DOC2B: variants seen among roughly 807,000 people sequenced by gnomAD.
DOC2B encodes the protein double C2 domain beta, also known as double C2-like domain-containing protein beta.
In DOC2B, 21 loss-of-function variants were observed where a neutral mutation model predicts 28.9. The observed-to-expected ratio is 0.73, with a 90% CI of 0.52 to 1.05. DOC2B has a LOEUF of 1.05. Ranked by LOEUF, DOC2B falls within the 50% of genes least tolerant of loss-of-function variation. DOC2B has a pLI of 0.00. For missense variants in DOC2B, 384 were observed against 421.1 expected (o/e 0.91, Z 0.77); for synonymous variants, 194 against 178.1 (o/e 1.09, Z -0.71).
rs146011014 is a variant in DOC2B, at chr17:154,700, A to G, written c.923+1520T>C. Among the ~76,000 whole-genome samples, 58 of 152,274 alleles carry G rather than the reference A, an allele frequency of 3.8e-4. No individual in the cohort carries two copies. In the East Asian group the frequency reaches 0.011, roughly 28 times the overall value. On this transcript the variant is annotated intron_variant, in intron 6 of 8. Transcript: ENST00000613549. Reference sequence around the variant, plus strand: ...TGAGGAACTATCAGCTGCTTCCCAAAGTGGCCATCCCATTATTCTCATATT... The same window carrying G: ...TGAGGAACTATCAGCTGCTTCCCAAGGTGGCCATCCCATTATTCTCATATT...
At chr17:150,635 C>G (rs1020861933) in intron 6 of DOC2B, among the ~76,000 whole-genome samples, 4 of 152,160 alleles carry the variant, frequency 2.6e-5, no homozygotes, top group Non-Finnish European at 4.4e-5. Flanking sequence ...ATAAATAATA[C>G]TGGTTTATTA....
At chr17:161,371 CCACCGAGCCAGGTACACAG>C in intron 5 of DOC2B, 25 bp downstream of exon 5, 1 of 1,543,664 alleles carries the variant, frequency 6.5e-7, no homozygotes, top group Non-Finnish European at 8.8e-7. Flanking sequence ...CCAGCACCTG[CCACCGAGCCAGGTACACAG>C]CAGGTGCTCA....
At chr17:166,689 G>A (rs1263508987) in intron 2 of DOC2B, among the ~76,000 whole-genome samples, 2 of 151,414 alleles carry the variant, frequency 1.3e-5, no homozygotes, top group African/African-American at 2.4e-5. Context: ...AGATCTCATG[G>A]TCTGACACTC....
At chr17:170,082 T>C (rs2040294529) in intron 2 of DOC2B, among the ~76,000 whole-genome samples, 1 of 152,142 alleles carries the variant, frequency 6.6e-6, no homozygotes, top group Non-Finnish European at 1.5e-5. Flanking sequence ...CAGAGTGGCC[T>C]GGCAGCCGGC....
intron 6 of DOC2B, among the ~76,000 whole-genome samples, chr17:152,760 G>C (rs1209444672): frequency 6.6e-6 from 1 of 152,120 alleles, no homozygotes; most frequent in Non-Finnish European, 1.5e-5. Context: ...GACAGAGTGA[G>C]TCACTGTCTC....
In DOC2B at chr17:181,099, A is replaced by G. The variant is rs1567542345; in HGVS notation, c.373+8T>C. On this transcript the variant is annotated splice_region_variant and intron_variant, in intron 1 of 8. Coordinates refer to ENST00000613549, the MANE Select transcript of DOC2B (RefSeq NM_003585.5). The surrounding 1 kb of genome is among the most constrained non-coding windows in gnomAD (Gnocchi z 7.0). ...AGGGGGCGCGAAGTCGGCGCGTGGG[A>G]AACTTACTGCAGTCGTCCGACTCGT... 4 of 1,241,424 alleles carry G rather than the reference A, an allele frequency of 3.2e-6. No individual in the cohort carries two copies. The highest frequency in any genetic ancestry group is 1.0e-6 in the Non-Finnish European group (1 of 991,040). The allele number at this position is 1,241,424 out of a possible 1,614,324, so 76.9% of individuals were successfully genotyped here.
At chr17:154,101 G>A (rs1019238166) in intron 6 of DOC2B, among the ~76,000 whole-genome samples, 6 of 152,100 alleles carry the variant, frequency 3.9e-5, no homozygotes, top group African/African-American at 9.7e-5. Context: ...CTCCCACAGT[G>A]TAGCATGCAC....
chr17:152,042 T>A (rs888733361), intron 6 of DOC2B, among the ~76,000 whole-genome samples: 1 of 152,040 alleles, frequency 6.6e-6, no homozygotes, highest in Non-Finnish European at 1.5e-5. Flanking sequence ...GTGGCGTCTC[T>A]CCCTCCCTTG....
intron 5 of DOC2B, among the ~76,000 whole-genome samples, chr17:157,543 C>T (rs1290334700): frequency 6.6e-6 from 1 of 152,204 alleles, no homozygotes; most frequent in Non-Finnish European, 1.5e-5. Context: ...CTCACTACAA[C>T]CTCTGCCTCC....
chr17:175,735 GAGA>G (rs1567539422), intron 1 of DOC2B, among the ~76,000 whole-genome samples: 1 of 152,228 alleles, frequency 6.6e-6, no homozygotes, highest in Non-Finnish European at 1.5e-5. Flanking sequence ...CCCAACCCCA[GAGA>G]AGGACAGCCA....
At chr17:153,232 G>A (rs768129552) in intron 6 of DOC2B, among the ~76,000 whole-genome samples, 8 of 152,222 alleles carry the variant, frequency 5.3e-5, no homozygotes, top group Non-Finnish European at 7.3e-5. Context: ...GCCACCTGTG[G>A]CAGGGAGGAG....
chr17:147,120 C>T lies in DOC2B; in HGVS notation c.*321G>A, dbSNP rs1248203906. 20 of 259,078 alleles carry T rather than the reference C, an allele frequency of 7.7e-5. No homozygotes were observed. Among genetic ancestry groups the T allele is most frequent in the Admixed American group, 6.0e-4 (11 of 18,266 alleles). The allele number at this position is 259,078 out of a possible 1,614,324, so 16.0% of individuals were successfully genotyped here. A position where few individuals can be genotyped will look rare whatever the true frequency, so the allele number is the denominator to read the frequency against. On this transcript the variant is annotated 3_prime_UTR_variant, in exon 9 of 9. Transcript: ENST00000613549. ...GCCCCCACACTCCTGTCCTCTCAGC[C>T]GGGGCTGGCCTCTAGAAGGGTCTTT...
intron 5 of DOC2B, among the ~76,000 whole-genome samples, chr17:156,893 G>T (rs534345347): frequency 6.6e-6 from 1 of 152,228 alleles, no homozygotes; most frequent in Non-Finnish European, 1.5e-5. Flanking sequence ...CTTACTTTTT[G>T]GAATGGCAGA....
At chr17:176,377 G>T (rs945861064) in intron 1 of DOC2B, among the ~76,000 whole-genome samples, 6 of 123,312 alleles carry the variant, frequency 4.9e-5, no homozygotes, top group Admixed American at 9.5e-5. Context: ...CAAAAAAAGA[G>T]ACAGTGGTGT....
chr17:162,283 T>G (rs1202905037), intron 3 of DOC2B, 93 bp from the exon 4 acceptor site: 15 of 923,922 alleles, frequency 1.6e-5, no homozygotes, highest in Non-Finnish European at 2.6e-5. Context: ...TCTTGGAGCC[T>G]GTGAATGTGT....
At chr17:158,534 C>T (rs1555522844) in intron 5 of DOC2B, among the ~76,000 whole-genome samples, 2 of 152,244 alleles carry the variant, frequency 1.3e-5, no homozygotes, top group Admixed American at 6.5e-5. Context: ...ACCTCCCACG[C>T]CCAGAGCAGA....
At chr17:153,354 G>A (rs539923952) in intron 6 of DOC2B, among the ~76,000 whole-genome samples, 2 of 152,234 alleles carry the variant, frequency 1.3e-5, no homozygotes, top group Non-Finnish European at 2.9e-5. Context: ...AACCCAGCAG[G>A]TGACCCTGGA....
At chr17:152,632 C>A (rs1555521918) in intron 6 of DOC2B, among the ~76,000 whole-genome samples, 1 of 152,002 alleles carries the variant, frequency 6.6e-6, no homozygotes, top group Non-Finnish European at 1.5e-5. Context: ...ACTAGCCAGG[C>A]GTGGTGGTGC....
rs575181609 is a variant in DOC2B, at chr17:159,489, C to T, written c.765+1926G>A. On this transcript the variant is annotated intron_variant, in intron 5 of 8. Coordinates refer to ENST00000613549, the MANE Select transcript of DOC2B (RefSeq NM_003585.5). ...ATATACAAAAATTAACCAGGCGTGG[C>T]GGCACACGCCTGTAGTCCCAGCTAC... Among the ~76,000 whole-genome samples the T allele has an allele frequency of 1.3e-3, 195 of 152,122 alleles. 3 individuals are homozygous for T. The highest frequency in any genetic ancestry group is 4.5e-3 in the African/African-American group (188 of 41,472).
Sources: allele counts gnomAD v4.1 joint callset (sites outside exome capture counted in the v4.1 genomes callset), GRCh38; gene constraint gnomAD v4.1.1; non-coding constraint Gnocchi (gnomAD v3.1); transcripts MANE v1.5; gene names NCBI Gene and HGNC (gene_info 2026-07-23, HGNC 2026-07-21).